The following DGUOK variants were observed in gnomAD, a reference collection of about 807,000 sequenced individuals.
DGUOK encodes deoxyguanosine kinase, mitochondrial.
DGUOK carries 30 observed loss-of-function variants against 36.6 expected under a neutral mutation model. The ratio of observed to expected loss-of-function variants is 0.82; its 90% confidence interval spans 0.61 to 1.11. DGUOK has a LOEUF of 1.11. DGUOK is among the 50% of genes most tolerant of loss of function. The probability of loss-of-function intolerance (pLI) is 0.00; values close to 1 mark genes in which losing one functional copy is unlikely to be tolerated. For synonymous variants in DGUOK, 145 were observed against 126.3 expected, an observed-to-expected ratio of 1.15 and a Z score of -0.99; for missense variants, 361 against 336.4, an observed-to-expected ratio of 1.07 and a Z score of -0.57.
chr2:73,930,842 C>CTGCAG (rs958097832), intron 1 of DGUOK, among the ~76,000 whole-genome samples: 3 of 128,416 alleles, frequency 2.3e-5, no homozygotes, highest in Non-Finnish European at 4.7e-5. Flanking sequence ...GGCACCCAGG[C>CTGCAG]TGCAGTGCAG....
chr2:73,957,357 G>A (rs530786903), intron 5 of DGUOK, 117 bp downstream of exon 5: 150 of 791,010 alleles, frequency 1.9e-4, no homozygotes, highest in Non-Finnish European at 8.7e-6. Context: ...ACTGGAAATG[G>A]TTGGAAATGT....
At chr2:73,932,771 A>T in intron 1 of DGUOK, 1 of 622,824 alleles carries the variant, frequency 1.6e-6, no homozygotes, top group Non-Finnish European at 2.3e-6. Flanking sequence ...ATGTAAGGAA[A>T]ATTGATCAGT....
At chr2:73,936,220 A>G (rs1299686937) in intron 1 of DGUOK, among the ~76,000 whole-genome samples, 1 of 152,250 alleles carries the variant, frequency 6.6e-6, no homozygotes, top group Non-Finnish European at 1.5e-5. Flanking sequence ...GCAGACAGGT[A>G]TCTGATAATA....
At chr2:73,956,095 G>A (rs1032659373) in intron 4 of DGUOK, among the ~76,000 whole-genome samples, 1 of 152,212 alleles carries the variant, frequency 6.6e-6, no homozygotes, top group Admixed American at 6.5e-5. Flanking sequence ...GAAGAGCTAA[G>A]GCAGTTGAGA....
rs375596177 is a variant in DGUOK, at chr2:73,948,597, CAG to C, written c.443+1692_443+1693del. Reference sequence around the variant, plus strand: ...TAAGGCAGACCCAGTCCCTGCCTAACAGGGACTGAACACATGCTCACGTGTGT... The same window carrying C: ...TAAGGCAGACCCAGTCCCTGCCTAACGGACTGAACACATGCTCACGTGTGT... On this transcript the variant is annotated intron_variant, in intron 3 of 6. Transcript: ENST00000264093. Among the ~76,000 whole-genome samples, 61 of 152,368 alleles carry C rather than the reference CAG, an allele frequency of 4.0e-4. No homozygotes were observed. In the East Asian group the frequency reaches 6.2e-3, roughly 15 times the overall value.
intron 2 of DGUOK, among the ~76,000 whole-genome samples, chr2:73,944,433 G>C (rs1030287125): frequency 6.6e-6 from 1 of 152,086 alleles, no homozygotes; most frequent in Admixed American, 6.6e-5. Context: ...TTGGGCAATT[G>C]CATTTTTCAC....
chr2:73,941,061 A>T (rs1169604167), intron 2 of DGUOK, among the ~76,000 whole-genome samples: 1 of 152,224 alleles, frequency 6.6e-6, no homozygotes, highest in Non-Finnish European at 1.5e-5. Context: ...AAAATAAGAA[A>T]TACCTTTCTA....
rs150588372 is a variant in DGUOK at position 73,936,463 on chromosome 2, A to G, written c.143-2447A>G. 1.1e-4 allele frequency among the ~76,000 whole-genome samples: 16 copies of G among 152,318 alleles called. 1 individual carries two copies. The East Asian group carries it at 2.9e-3, about 28-fold the overall frequency. On this transcript the variant is annotated intron_variant, in intron 1 of 6. Coordinates refer to ENST00000264093, the MANE Select transcript of DGUOK (RefSeq NM_080916.3). ...ACTGAGAGATGAGCGTGACTGTACAAATCCACAGATTCATGCTGTTTGTTC... is the reference window on the plus strand; with the variant it reads ...ACTGAGAGATGAGCGTGACTGTACAGATCCACAGATTCATGCTGTTTGTTC...
intron 1 of DGUOK, among the ~76,000 whole-genome samples, chr2:73,937,729 T>C (rs949055709): frequency 2.0e-5 from 3 of 152,180 alleles, no homozygotes; most frequent in African/African-American, 7.2e-5. Flanking sequence ...TCTTGAATAG[T>C]CTCTGGAGCT....
At chr2:73,948,028 A>G (rs1573552557) in intron 3 of DGUOK, 1 of 152,174 alleles carries the variant, frequency 6.6e-6, no homozygotes, top group Non-Finnish European at 1.5e-5. Context: ...AACAAACCCT[A>G]TAGGCTATCC....
At chr2:73,948,916 A>G (rs1214517992) in intron 3 of DGUOK, among the ~76,000 whole-genome samples, 3 of 152,192 alleles carry the variant, frequency 2.0e-5, no homozygotes, top group East Asian at 3.8e-4. Context: ...AACCCCTTTC[A>G]TAGGGCTTAT....
At chr2:73,956,449 A>C (rs750098168) in intron 4 of DGUOK, among the ~76,000 whole-genome samples, 19 of 152,212 alleles carry the variant, frequency 1.2e-4, no homozygotes, top group Non-Finnish European at 2.2e-4. Context: ...TATTTTCAGC[A>C]AGGAAAGTCA....
chr2:73,952,958 C>G (rs1489118284), intron 4 of DGUOK, among the ~76,000 whole-genome samples: 1 of 152,110 alleles, frequency 6.6e-6, no homozygotes, highest in Non-Finnish European at 1.5e-5. Context: ...GCCTTAACTT[C>G]CATTGAGGAC....
chr2:73,932,648 A>C, intron 1 of DGUOK: 1 of 1,295,666 alleles, frequency 7.7e-7, no homozygotes. Flanking sequence ...GGAAACCTGA[A>C]CAGGGAAGGT....
At chr2:73,933,623 AAC>A (rs1371491341) in intron 1 of DGUOK, among the ~76,000 whole-genome samples, 1 of 152,008 alleles carries the variant, frequency 6.6e-6, no homozygotes, top group Non-Finnish European at 1.5e-5. Context: ...TTTTTTCGTA[AAC>A]AGTTTTTCAT....
intron 1 of DGUOK, among the ~76,000 whole-genome samples, chr2:73,927,603 A>G (rs531383538): frequency 7.0e-4 from 107 of 152,316 alleles, no homozygotes; most frequent in African/African-American, 2.5e-3. Context: ...CAAATACCAC[A>G]TTCACAATTT....
intron 4 of DGUOK, among the ~76,000 whole-genome samples, chr2:73,951,117 T>A (rs1377000413): frequency 1.3e-5 from 2 of 149,224 alleles, no homozygotes; most frequent in Non-Finnish European, 3.0e-5. Context: ...TAGTAAGATG[T>A]GAGGAGGAAG....
At chr2:73,956,706 C>T (rs1388028415) in intron 4 of DGUOK, among the ~76,000 whole-genome samples, 1 of 152,184 alleles carries the variant, frequency 6.6e-6, no homozygotes, top group Non-Finnish European at 1.5e-5. Flanking sequence ...GAGGCAGAAC[C>T]AGAAGGCTCT....
At position 73,927,060 on chromosome 2, in the gene DGUOK, C is replaced by T. The variant is rs947457548; in HGVS notation, c.142+8C>T. 1.2e-6 allele frequency: 2 copies of T among 1,607,074 alleles called. No individual in the cohort carries two copies. The highest frequency in any genetic ancestry group is 1.3e-5 in the African/African-American group (1 of 75,072). ...CCATCGAAGGCAACATTGGTAAGGG[C>T]CGGAAAGCGGCTGCCAAGCCTTGGC... On this transcript the variant is annotated splice_region_variant and intron_variant, in intron 1 of 6. Coordinates refer to ENST00000264093, the MANE Select transcript of DGUOK (RefSeq NM_080916.3).
Sources: allele counts gnomAD v4.1 joint callset (sites outside exome capture counted in the v4.1 genomes callset), GRCh38; gene constraint gnomAD v4.1.1; transcripts MANE v1.5; gene names NCBI Gene and HGNC (gene_info 2026-07-23, HGNC 2026-07-21).